The following RSU1 variants were observed in gnomAD, a reference collection of about 807,000 sequenced individuals.
RSU1 encodes the protein Ras suppressor protein 1, also known as rsu-1.
A neutral mutation model predicts 31.1 loss-of-function variants in RSU1; 26 were observed. The ratio of observed to expected loss-of-function variants is 0.84; its 90% CI spans 0.61 to 1.16. RSU1 has a LOEUF of 1.16. Among genes scored for constraint, RSU1 ranks in the 50% most tolerant of loss-of-function variants. The pLI is 0.00. For missense variants in RSU1, 320 were observed against 339.1 expected (o/e 0.94, Z 0.44); for synonymous variants, 164 against 136.3 (o/e 1.20, Z -1.41).
At chr10:16,697,849 T>C (rs1435114012) in intron 7 of RSU1, among the ~76,000 whole-genome samples, 1 of 152,092 alleles carries the variant, frequency 6.6e-6, no homozygotes, top group Admixed American at 6.5e-5. Context: ...CAAAATTGGT[T>C]ATCCTAATGA....
intron 8 of RSU1, among the ~76,000 whole-genome samples, chr10:16,598,923 A>G (rs1816700133): frequency 6.6e-6 from 1 of 152,198 alleles, no homozygotes; most frequent in South Asian, 2.1e-4. Flanking sequence ...TCTGGGATAA[A>G]TTAAAAAGAT....
intron 8 of RSU1, among the ~76,000 whole-genome samples, chr10:16,648,193 T>C (rs1834609807): frequency 6.6e-6 from 1 of 151,886 alleles, no homozygotes; most frequent in African/African-American, 2.4e-5. Flanking sequence ...CTTGAACTCC[T>C]GGGCTCAAGC....
intron 8 of RSU1, among the ~76,000 whole-genome samples, chr10:16,655,055 TAA>T (rs780658639): frequency 2.9e-5 from 3 of 103,774 alleles, no homozygotes; most frequent in African/African-American, 6.9e-5. Flanking sequence ...CTTTGTCCCT[TAA>T]AAAAAAAAAA....
At position 16,764,390 on chromosome 10, in the gene RSU1, C is replaced by T; in HGVS notation, c.281G>A (p.Gly94Asp). 4 of 1,611,392 alleles carry T rather than the reference C, an allele frequency of 2.5e-6. No homozygotes were observed. Among genetic ancestry groups the T allele is most frequent in the Admixed American group, 3.3e-5 (2 of 59,724 alleles). ...SLQKLKHLNL[G>D]MNRLNTLPRG... ...TCCTTTCCGCTCCACTGATACTCAC[C>T]CAAGGTTCAGGTGTTTGAGTTTCTG... Residue 94 changes from glycine to aspartate, a missense_variant and splice_region_variant, in exon 4 of 9, where the codon GGC becomes GAC. Gly to Asp is a moderately conservative substitution (Grantham distance 94). Transcript: ENST00000345264.
chr10:16,676,147 C>T (rs1835227382), intron 8 of RSU1, among the ~76,000 whole-genome samples: 1 of 152,166 alleles, frequency 6.6e-6, no homozygotes, highest in Non-Finnish European at 1.5e-5. Flanking sequence ...TGAAGCCCGA[C>T]TACAAAATAA....
intron 8 of RSU1, among the ~76,000 whole-genome samples, chr10:16,671,885 C>A: frequency 6.6e-6 from 1 of 151,862 alleles, no homozygotes; most frequent in South Asian, 2.1e-4. Flanking sequence ...CTCGGCCTCC[C>A]AAAGTGCTGG....
intron 7 of RSU1, among the ~76,000 whole-genome samples, chr10:16,724,517 G>A (rs990634148): frequency 3.3e-5 from 5 of 152,168 alleles, no homozygotes; most frequent in African/African-American, 1.2e-4. Context: ...ATGAGCCATT[G>A]GCTAAAGGGC....
intron 8 of RSU1, among the ~76,000 whole-genome samples, chr10:16,631,288 T>C (rs918339153): frequency 1.4e-4 from 22 of 152,158 alleles, no homozygotes; most frequent in Non-Finnish European, 2.9e-4. Context: ...GAGGGAAGAA[T>C]TCAGGGTGCT....
intron 8 of RSU1, among the ~76,000 whole-genome samples, chr10:16,666,836 A>G (rs1834998128): frequency 6.6e-6 from 1 of 152,074 alleles, no homozygotes; most frequent in Non-Finnish European, 1.5e-5. Context: ...TAAAAATACA[A>G]AAATTATCCA....
At chr10:16,751,376 A>T (rs1276653115) in intron 7 of RSU1, among the ~76,000 whole-genome samples, 1 of 152,170 alleles carries the variant, frequency 6.6e-6, no homozygotes, top group Non-Finnish European at 1.5e-5. Flanking sequence ...GGAAATGGCA[A>T]GAGAGGAGGC....
chr10:16,597,057 C>T (rs1191869296), intron 8 of RSU1, among the ~76,000 whole-genome samples: 2 of 152,206 alleles, frequency 1.3e-5, no homozygotes, highest in Non-Finnish European at 2.9e-5. Context: ...AAGATGACTC[C>T]ACTGTTCATG....
At chr10:16,718,097 T>TAAAAAAAAAA (rs11411668) in intron 7 of RSU1, among the ~76,000 whole-genome samples, 1 of 136,192 alleles carries the variant, frequency 7.3e-6, no homozygotes. Flanking sequence ...TCAATTTATT[T>TAAAAAAAAAA]AAAAAAAAAA....
intron 3 of RSU1, among the ~76,000 whole-genome samples, chr10:16,780,915 T>G (rs972148491): frequency 5.9e-5 from 9 of 152,226 alleles, no homozygotes; most frequent in Admixed American, 4.6e-4. Flanking sequence ...TGCCTTTGCC[T>G]TACAAATATA....
At chr10:16,802,205 A>G (rs1291745360) in intron 2 of RSU1, among the ~76,000 whole-genome samples, 2 of 120,700 alleles carry the variant, frequency 1.7e-5, no homozygotes, top group African/African-American at 7.9e-5. Context: ...AAAAAAAAAA[A>G]GAACGAACAA....
At chr10:16,647,460 G>C (rs956583033) in intron 8 of RSU1, among the ~76,000 whole-genome samples, 1 of 152,198 alleles carries the variant, frequency 6.6e-6, no homozygotes, top group Non-Finnish European at 1.5e-5. Context: ...AATGTTCACA[G>C]AAGCATTACT....
intron 3 of RSU1, among the ~76,000 whole-genome samples, chr10:16,774,000 A>G (rs1444524880): frequency 1.3e-5 from 2 of 152,092 alleles, no homozygotes; most frequent in African/African-American, 2.4e-5. Context: ...CGCAAGGTCA[A>G]TGAGTTTGTT....
intron 8 of RSU1, among the ~76,000 whole-genome samples, chr10:16,595,804 T>TA (rs903593561): frequency 1.9e-4 from 28 of 150,290 alleles, no homozygotes; most frequent in African/African-American, 5.7e-4. Flanking sequence ...CCATCTCTAC[T>TA]AAAAAAAAGA....
At chr10:16,758,268 C>A (rs772335678) in intron 4 of RSU1, among the ~76,000 whole-genome samples, 1 of 152,208 alleles carries the variant, frequency 6.6e-6, no homozygotes, top group Non-Finnish European at 1.5e-5. Flanking sequence ...GCCACCTCTC[C>A]GGACACCAGT....
At chr10:16,770,390 A>G (rs977370732) in intron 3 of RSU1, among the ~76,000 whole-genome samples, 2 of 152,022 alleles carry the variant, frequency 1.3e-5, no homozygotes, top group African/African-American at 4.8e-5. Flanking sequence ...ACCCTGCACC[A>G]TGCTAACACA....
Sources: gnomAD v4.1 joint callset for allele counts (sites outside exome capture counted in the v4.1 genomes callset) on GRCh38, gnomAD v4.1.1 for gene constraint, MANE v1.5 for transcripts, NCBI Gene and HGNC (gene_info 2026-07-23, HGNC 2026-07-21) for gene names.